GRIK2: variants seen among roughly 807,000 people sequenced by gnomAD.
GRIK2 encodes glutamate ionotropic receptor kainate type subunit 2, also known as glutamate receptor ionotropic, kainate 2.
In GRIK2, 32 loss-of-function variants were observed where a neutral mutation model predicts 100.3. The observed-to-expected ratio is 0.32, with a 90% CI of 0.24 to 0.43. The LOEUF (loss-of-function observed/expected upper bound fraction) is 0.43, where lower values mean the gene tolerates loss of function less well. Ranked by LOEUF, GRIK2 falls within the 20% of genes least tolerant of loss-of-function variation. GRIK2 has a pLI of 1.00. For synonymous variants in GRIK2, 417 were observed against 389.4 expected (o/e 1.07, Z -0.83); for missense variants, 843 against 1,114.9 (o/e 0.76, Z 3.47).
At chr6:101,711,463 T>C (rs1773690075) in intron 7 of GRIK2, among the ~76,000 whole-genome samples, 1 of 151,808 alleles carries the variant, frequency 6.6e-6, no homozygotes, top group Non-Finnish European at 1.5e-5. Context: ...ATATGATCTC[T>C]CTAAATATAT....
intron 7 of GRIK2, among the ~76,000 whole-genome samples, chr6:101,702,090 G>T (rs548417927): frequency 3.8e-4 from 37 of 97,074 alleles, no homozygotes; most frequent in African/African-American, 1.4e-3. Flanking sequence ...TATTCTTGTT[G>T]TACCTACTAA....
intron 2 of GRIK2, among the ~76,000 whole-genome samples, chr6:101,404,261 C>T (rs1219741740): frequency 6.6e-6 from 1 of 152,182 alleles, no homozygotes; most frequent in Non-Finnish European, 1.5e-5. Flanking sequence ...AATGTGAATT[C>T]CTCTCACACG....
chr6:102,002,524 TAATG>T (rs1795006777), intron 14 of GRIK2, among the ~76,000 whole-genome samples: 1 of 150,608 alleles, frequency 6.6e-6, no homozygotes. Flanking sequence ...TAATTCTATT[TAATG>T]AGTCACTGAG....
At chr6:101,664,871 C>T (rs989150636) in intron 4 of GRIK2, among the ~76,000 whole-genome samples, 1 of 152,180 alleles carries the variant, frequency 6.6e-6, no homozygotes, top group African/African-American at 2.4e-5. Flanking sequence ...CTCAAGGGAA[C>T]AGCCCTTTTA....
At chr6:101,737,727 C>G (rs1171969344) in intron 7 of GRIK2, among the ~76,000 whole-genome samples, 3 of 152,144 alleles carry the variant, frequency 2.0e-5, no homozygotes, top group Admixed American at 2.0e-4. Context: ...TAGGTTTGCA[C>G]TATGTTTTAA....
intron 2 of GRIK2, among the ~76,000 whole-genome samples, chr6:101,434,204 G>T (rs576377466): frequency 1.3e-5 from 2 of 152,310 alleles, no homozygotes; most frequent in South Asian, 4.1e-4. Flanking sequence ...GAGGCCTTCA[G>T]CCCATGCTCC....
At chr6:102,052,901 A>C (rs150488884) in intron 15 of GRIK2, among the ~76,000 whole-genome samples, 2,810 of 152,208 alleles carry the variant, frequency 0.018, 88 homozygotes, top group African/African-American at 0.064. Flanking sequence ...CAACATGGTG[A>C]AACCCCCTCT....
Position 102,069,310 on chromosome 6 carries a change from T to TAAC in GRIK2, c.*801_*802insCAA, listed in dbSNP as rs1554200240. Reference sequence around the variant, plus strand: ...CCCATATCCCAAATAATAATAATAATAATAATAATAATAATAATAATAATA... The same window carrying TAAC: ...CCCATATCCCAAATAATAATAATAATAACAATAATAATAATAATAATAATAATA... On this transcript the variant is annotated 3_prime_UTR_variant, in exon 17 of 17. Coordinates refer to ENST00000369134, the MANE Select transcript of GRIK2 (RefSeq NM_021956.5). 2 of 146,536 alleles carry TAAC rather than the reference T, an allele frequency of 1.4e-5. No individual in the cohort carries two copies. The highest frequency in any genetic ancestry group is 3.0e-5 in the Non-Finnish European group (2 of 66,632). 9.1% of individuals were successfully genotyped at this position (146,536 alleles called of 1,614,324 possible). A position where few individuals can be genotyped will look rare whatever the true frequency, so the allele number is the denominator to read the frequency against.
intron 4 of GRIK2, among the ~76,000 whole-genome samples, chr6:101,644,004 C>T (rs1485882573): frequency 2.0e-5 from 3 of 151,650 alleles, no homozygotes; most frequent in Non-Finnish European, 4.4e-5. Flanking sequence ...AGCTCACTTC[C>T]TTATTTGTCT....
At chr6:101,876,249 C>T (rs1785831084) in intron 11 of GRIK2, among the ~76,000 whole-genome samples, 1 of 151,850 alleles carries the variant, frequency 6.6e-6, no homozygotes, top group East Asian at 1.9e-4. Flanking sequence ...CTAACCTGTA[C>T]ATTTTTCCTC....
At chr6:101,512,548 A>ACTGCT (rs1774373322) in intron 2 of GRIK2, among the ~76,000 whole-genome samples, 1 of 152,162 alleles carries the variant, frequency 6.6e-6, no homozygotes, top group Admixed American at 6.6e-5. Flanking sequence ...TATTCTTGTA[A>ACTGCT]AGTAGCCACA....
intron 14 of GRIK2, among the ~76,000 whole-genome samples, chr6:101,933,804 A>G (rs958885079): frequency 1.3e-5 from 2 of 151,988 alleles, no homozygotes; most frequent in Non-Finnish European, 2.9e-5. Context: ...TATTCAAAAC[A>G]TAGAGCCCTC....
At chr6:101,825,301 TTC>T (rs1372579247) in intron 10 of GRIK2, among the ~76,000 whole-genome samples, 9 of 152,210 alleles carry the variant, frequency 5.9e-5, no homozygotes, top group Non-Finnish European at 1.2e-4. Flanking sequence ...GGTACTACAT[TTC>T]TCTCTTTCAT....
chr6:102,014,401 T>C (rs1795719575), intron 14 of GRIK2, among the ~76,000 whole-genome samples: 1 of 152,144 alleles, frequency 6.6e-6, no homozygotes, highest in South Asian at 2.1e-4. Context: ...ACTCCTGCCT[T>C]CACTGATCTT....
intron 14 of GRIK2, among the ~76,000 whole-genome samples, chr6:101,968,042 G>C (rs548465695): frequency 1.6e-4 from 25 of 151,710 alleles, no homozygotes; most frequent in African/African-American, 4.6e-4. Flanking sequence ...GAAAAGATGT[G>C]ACTTCACTCA....
At chr6:101,544,148 C>T (rs1036317444) in intron 2 of GRIK2, among the ~76,000 whole-genome samples, 1 of 152,074 alleles carries the variant, frequency 6.6e-6, no homozygotes, top group African/African-American at 2.4e-5. Context: ...ATAGTTTTTT[C>T]TCCTTTTTAT....
chr6:101,839,373 GA>G (rs1167534743), intron 10 of GRIK2, among the ~76,000 whole-genome samples: 2 of 152,176 alleles, frequency 1.3e-5, no homozygotes, highest in African/African-American at 4.8e-5. Flanking sequence ...ACAGATGTGT[GA>G]AAGAGTTTAG....
At chr6:101,963,509 C>CTTTTTTTTTTTTTTTTTTTTTTTTTTTTT (rs770178884) in intron 14 of GRIK2, among the ~76,000 whole-genome samples, 7 of 106,106 alleles carry the variant, frequency 6.6e-5, no homozygotes, top group Non-Finnish European at 1.1e-4. Flanking sequence ...TTCTTTCTTT[C>CTTTTTTTTTTTTTTTTTTTTTTTTTTTTT]TTTTTTTTTT....
At chr6:101,686,472 A>G (rs555700712) in intron 7 of GRIK2, 119 bp downstream of exon 7, 7 of 668,520 alleles carry the variant, frequency 1.0e-5, no homozygotes, top group East Asian at 2.6e-5. Flanking sequence ...CATTAAAAGC[A>G]AAATATCAGA....
Sources: allele counts gnomAD v4.1 joint callset (sites outside exome capture counted in the v4.1 genomes callset), GRCh38; gene constraint gnomAD v4.1.1; transcripts MANE v1.5; gene names NCBI Gene and HGNC (gene_info 2026-07-23, HGNC 2026-07-21).